Variants in UNC93A observed in about 807,000 individuals in gnomAD.
UNC93A encodes unc-93 homolog A.
In UNC93A, 43 loss-of-function variants were observed where a neutral mutation model predicts 47.5. The observed-to-expected ratio is 0.91, with a 90% CI of 0.71 to 1.17. The LOEUF (loss-of-function observed/expected upper bound fraction) is 1.17, where lower values mean the gene tolerates loss of function less well. Among genes scored for constraint, UNC93A ranks in the 50% most tolerant of loss-of-function variants. The pLI is 0.00. For synonymous variants in UNC93A, 280 were observed against 258.0 expected, an observed-to-expected ratio of 1.09 and a Z score of -0.82; for missense variants, 605 against 577.6, an observed-to-expected ratio of 1.05 and a Z score of -0.49.
upstream of UNC93A, among the ~76,000 whole-genome samples, chr6:167,290,844 G>T (rs1026505505): frequency 6.6e-6 from 1 of 152,184 alleles, no homozygotes; most frequent in Admixed American, 6.5e-5. Flanking sequence ...ATGAAATAAT[G>T]CATGAAATTC....
At chr6:167,291,953 A>T (rs1207886015) in intron 1 of UNC93A, among the ~76,000 whole-genome samples, 1 of 152,156 alleles carries the variant, frequency 6.6e-6, no homozygotes, top group Non-Finnish European at 1.5e-5. Flanking sequence ...CAGCCATGTG[A>T]ATTTATCAAA....
At chr6:167,269,106 C>T (rs1309519096), upstream of UNC93A, among the ~76,000 whole-genome samples, 1 of 152,210 alleles carries the variant, frequency 6.6e-6, no homozygotes, top group African/African-American at 2.4e-5. Context: ...AATGTGTGGG[C>T]AGCCGTAGCG....
intron 1 of UNC93A, among the ~76,000 whole-genome samples, chr6:167,283,412 C>T (rs781756675): frequency 2.0e-5 from 3 of 152,090 alleles, no homozygotes; most frequent in Non-Finnish European, 4.4e-5. Flanking sequence ...CGGACCTTGC[C>T]TTCCCATCGT....
At chr6:167,309,118 C>T (rs531623383) in intron 7 of UNC93A, among the ~76,000 whole-genome samples, 3 of 152,168 alleles carry the variant, frequency 2.0e-5, no homozygotes, top group South Asian at 4.2e-4. Flanking sequence ...CCCAGCTACT[C>T]GGGAGGCTGA....
At chr6:167,272,838 G>C (rs1783471104) in intron 1 of UNC93A, among the ~76,000 whole-genome samples, 1 of 152,164 alleles carries the variant, frequency 6.6e-6, no homozygotes, top group East Asian at 1.9e-4. Context: ...AGGCTTCAGA[G>C]GGAACAGATC....
chr6:167,312,518 A>G (rs1235225069), intron 7 of UNC93A, among the ~76,000 whole-genome samples: 1 of 152,212 alleles, frequency 6.6e-6, no homozygotes. Context: ...ATGGGCTCGT[A>G]TATTTACTCT....
chr6:167,307,866 G>T lies in UNC93A; in HGVS notation c.1064G>T (p.Gly355Val). 6.2e-7 allele frequency: 1 copy of T among 1,614,066 alleles called. No homozygotes were observed. Among genetic ancestry groups the T allele is most frequent in the Middle Eastern group, 1.6e-4 (1 of 6,062 alleles). ...CTGGCAGTGTTCTTCGTATTCTCTG[G>T]CCTGTGGGGCGTGGCAGATGCCGTC... ...DHLAVFFVFS[G>V]LWGVADAVWQ... Residue 355 changes from glycine to valine, a missense_variant, in exon 7 of 8, where the codon GGC (glycine) becomes GTC (valine). Physicochemically the swap from Gly to Val is moderately radical, Grantham distance 109. Coordinates refer to ENST00000230256, the MANE Select transcript of UNC93A (RefSeq NM_018974.4).
chr6:167,304,241 C>T, intron 5 of UNC93A, 108 bp downstream of exon 5: 1 of 1,289,470 alleles, frequency 7.8e-7, no homozygotes, highest in African/African-American at 1.5e-5. Flanking sequence ...CTGCCCAGGG[C>T]TGGGGCTGGA....
In UNC93A at chr6:167,277,750, G is replaced by C. The variant is rs529298954; in HGVS notation, c.-52+6292G>C. Among the ~76,000 whole-genome samples, 89 of 149,050 alleles carry C rather than the reference G, an allele frequency of 6.0e-4. 1 individual carries two copies. The South Asian group carries it at 0.018, about 31-fold the overall frequency. On this transcript the variant is annotated intron_variant, in intron 1 of 3. Transcript: ENST00000503433. ...CTCTATAACTCTTTCTGTCTCTCTGGCTATCTCTGTCTCTCTGCCTCTTTG... is the reference window on the plus strand; with the variant it reads ...CTCTATAACTCTTTCTGTCTCTCTGCCTATCTCTGTCTCTCTGCCTCTTTG...
intron 6 of UNC93A, among the ~76,000 whole-genome samples, chr6:167,306,736 G>A (rs1249191175): frequency 6.6e-6 from 1 of 152,220 alleles, no homozygotes; most frequent in Non-Finnish European, 1.5e-5. Context: ...CTGTGAAGCA[G>A]ACAGTGTTCC....
At chr6:167,283,418 A>G (rs991272139) in intron 1 of UNC93A, among the ~76,000 whole-genome samples, 12 of 152,156 alleles carry the variant, frequency 7.9e-5, no homozygotes, top group African/African-American at 2.9e-4. Context: ...TTGCCTTCCC[A>G]TCGTGGCCTG....
chr6:167,297,540 T>C (rs1269982474), intron 3 of UNC93A, among the ~76,000 whole-genome samples: 1 of 152,152 alleles, frequency 6.6e-6, no homozygotes, highest in Non-Finnish European at 1.5e-5. Flanking sequence ...CCCAAAGTCA[T>C]TGAGTTGGTA....
At chr6:167,287,147 C>A (rs1210054878), upstream of UNC93A, among the ~76,000 whole-genome samples, 1 of 150,486 alleles carries the variant, frequency 6.6e-6, no homozygotes, top group Non-Finnish European at 1.5e-5. Context: ...CAATCATAGC[C>A]ATACTTGGCC....
intron 1 of UNC93A, among the ~76,000 whole-genome samples, chr6:167,276,216 G>A (rs1334845287): frequency 3.3e-5 from 5 of 152,018 alleles, no homozygotes; most frequent in South Asian, 2.1e-4. Context: ...ATAGTATTCC[G>A]TTGTGTATAT....
upstream of UNC93A, among the ~76,000 whole-genome samples, chr6:167,270,995 C>T (rs975245224): frequency 1.3e-5 from 2 of 152,156 alleles, no homozygotes; most frequent in Admixed American, 1.3e-4. Flanking sequence ...TGGGCTGCCA[C>T]GTGGGCGGAG....
chr6:167,314,804 T>G (rs1446219754), intron 7 of UNC93A, among the ~76,000 whole-genome samples: 2 of 152,202 alleles, frequency 1.3e-5, no homozygotes, highest in Non-Finnish European at 2.9e-5. Context: ...TTGTCTTGCC[T>G]TTCTGGACAA....
chr6:167,314,757 C>T (rs781065096), intron 7 of UNC93A, among the ~76,000 whole-genome samples: 1 of 152,162 alleles, frequency 6.6e-6, no homozygotes, highest in South Asian at 2.1e-4. Flanking sequence ...CCCGGAAGCC[C>T]CCTCCCTGCT....
chr6:167,300,717 C>G (rs1314112176), intron 4 of UNC93A, among the ~76,000 whole-genome samples: 1 of 152,114 alleles, frequency 6.6e-6, no homozygotes, highest in African/African-American at 2.4e-5. Context: ...ACCAGCCAGG[C>G]CTGTGCTTCC....
At chr6:167,282,164 G>C (rs1232164927) in intron 1 of UNC93A, among the ~76,000 whole-genome samples, 1 of 152,166 alleles carries the variant, frequency 6.6e-6, no homozygotes, top group South Asian at 2.1e-4. Flanking sequence ...TTCAGACAGG[G>C]TGATGTAGAG....
Sources: allele counts gnomAD v4.1 joint callset (sites outside exome capture counted in the v4.1 genomes callset), GRCh38; gene constraint gnomAD v4.1.1; transcripts MANE v1.5; gene names NCBI Gene and HGNC (gene_info 2026-07-23, HGNC 2026-07-21).